The following DDX46 variants were observed in gnomAD, a reference collection of about 807,000 sequenced individuals.
DDX46 encodes probable ATP-dependent RNA helicase DDX46.
A neutral mutation model predicts 134.9 loss-of-function variants in DDX46; 30 were observed. The observed-to-expected ratio is 0.22, with a 90% confidence interval of 0.17 to 0.30. The LOEUF (loss-of-function observed/expected upper bound fraction) is 0.30, where lower values mean the gene tolerates loss of function less well. Ranked by LOEUF, DDX46 falls within the 10% of genes least tolerant of loss-of-function variation. The probability of loss-of-function intolerance (pLI) is 1.00; values close to 1 mark genes in which losing one functional copy is unlikely to be tolerated. For missense variants in DDX46, 622 were observed against 1,248.7 expected, an observed-to-expected ratio of 0.50 and a Z score of 7.56; for synonymous variants, 415 against 404.1, an observed-to-expected ratio of 1.03 and a Z score of -0.32.
At chr5:134,792,949 G>A (rs899434125) in intron 13 of DDX46, among the ~76,000 whole-genome samples, 12 of 152,094 alleles carry the variant, frequency 7.9e-5, no homozygotes, top group Admixed American at 3.3e-4. Flanking sequence ...GAATTCAGGA[G>A]TTCAAGACAA....
At chr5:134,770,142 C>T (rs1753715130) in intron 3 of DDX46, among the ~76,000 whole-genome samples, 1 of 151,760 alleles carries the variant, frequency 6.6e-6, no homozygotes, top group African/African-American at 2.4e-5. Flanking sequence ...AGTGATCTTC[C>T]TGCCTTGGCC....
intron 15 of DDX46, among the ~76,000 whole-genome samples, chr5:134,800,473 T>C (rs1166618184): frequency 6.6e-6 from 1 of 152,220 alleles, no homozygotes; most frequent in Non-Finnish European, 1.5e-5. Context: ...TAGTCATTTC[T>C]GTTGGACACT....
intron 7 of DDX46, 47 bp from the exon 8 acceptor site, chr5:134,781,873 GA>G (rs1247176045): frequency 3.0e-5 from 46 of 1,551,688 alleles, no homozygotes; most frequent in Non-Finnish European, 3.9e-5. Context: ...CCCACAAGGG[GA>G]AAATAGTAAT....
chr5:134,800,745 G>T (rs561875245), intron 15 of DDX46, among the ~76,000 whole-genome samples: 1 of 152,154 alleles, frequency 6.6e-6, no homozygotes, highest in East Asian at 1.9e-4. Flanking sequence ...ATGCCATCTC[G>T]GCTCACTGCA....
intron 15 of DDX46, among the ~76,000 whole-genome samples, chr5:134,796,896 A>G (rs887189471): frequency 6.6e-6 from 1 of 151,000 alleles, no homozygotes; most frequent in Non-Finnish European, 1.5e-5. Context: ...TCACACCTGT[A>G]ATCCCAGAAC....
intron 5 of DDX46, among the ~76,000 whole-genome samples, chr5:134,775,066 C>T (rs1425254347): frequency 3.3e-5 from 5 of 152,082 alleles, no homozygotes; most frequent in Non-Finnish European, 7.4e-5. Flanking sequence ...GTGATCCTCC[C>T]ACTTTGGCCT....
At chr5:134,819,091 T>G in intron 21 of DDX46, 87 bp downstream of exon 21, 2 of 1,405,844 alleles carry the variant, frequency 1.4e-6, no homozygotes, top group Non-Finnish European at 1.9e-6. Context: ...TGAGGTCAAT[T>G]CTAGAGAGAA....
chr5:134,771,014 T>C lies in DDX46; in HGVS notation c.447+15T>C. On this transcript the variant is annotated intron_variant, in intron 4 of 22. Transcript: ENST00000452510. ...AAGATGCTGGCGTATGTTTATTAAC[T>C]TAAAAATAATTTTCTTTCTTTCTTT... is the stretch of plus-strand genomic sequence containing the variant. 9.9e-7 allele frequency: 1 copy of C among 1,008,364 alleles called. No individual in the cohort carries two copies. The highest frequency in any genetic ancestry group is 1.5e-6 in the Non-Finnish European group (1 of 666,572). The allele number at this position is 1,008,364 out of a possible 1,614,324, so 62.5% of individuals were successfully genotyped here. A position where few individuals can be genotyped will look rare whatever the true frequency, so the allele number is the denominator to read the frequency against.
At chr5:134,820,747 A>C (rs1322354056) in intron 21 of DDX46, among the ~76,000 whole-genome samples, 1 of 152,234 alleles carries the variant, frequency 6.6e-6, no homozygotes, top group Non-Finnish European at 1.5e-5. Flanking sequence ...CGTGAAACTT[A>C]AACAGGATTC....
intron 1 of DDX46, among the ~76,000 whole-genome samples, chr5:134,763,459 A>T (rs999088221): frequency 1.2e-4 from 19 of 152,308 alleles, no homozygotes; most frequent in African/African-American, 4.6e-4. Flanking sequence ...CTCACCAGTC[A>T]AGCTTCCTCT....
chr5:134,819,985 G>A (rs1455781074), intron 21 of DDX46, among the ~76,000 whole-genome samples: 2 of 151,956 alleles, frequency 1.3e-5, no homozygotes, highest in Admixed American at 6.6e-5. Context: ...GCAATAGCGC[G>A]ATCTTGACTC....
intron 15 of DDX46, chr5:134,797,188 A>AAAAAAAAAAAAAAAAAC (rs1561865691): frequency 2.8e-5 from 8 of 287,060 alleles, no homozygotes; most frequent in African/African-American, 1.7e-4. Flanking sequence ...AAAAAAAAAA[A>AAAAAAAAAAAAAAAAAC]AAAAAAAAAC....
At chr5:134,791,357 G>A (rs1472779321) in intron 13 of DDX46, among the ~76,000 whole-genome samples, 1 of 152,110 alleles carries the variant, frequency 6.6e-6, no homozygotes, top group Non-Finnish European at 1.5e-5. Flanking sequence ...TCAGGAGATC[G>A]AGACCATCCT....
At chr5:134,807,164 A>C (rs984829666) in intron 15 of DDX46, among the ~76,000 whole-genome samples, 1 of 140,312 alleles carries the variant, frequency 7.1e-6, no homozygotes, top group African/African-American at 2.7e-5. Context: ...GGCATGTGCC[A>C]CCACGCCTGG....
intron 15 of DDX46, among the ~76,000 whole-genome samples, chr5:134,804,168 C>CA (rs1461497017): frequency 3.3e-5 from 5 of 151,866 alleles, no homozygotes; most frequent in Admixed American, 2.0e-4. Context: ...TTTGGCCTCC[C>CA]AAAGCGCTGG....
At chr5:134,789,467 T>C (rs1243604504) in intron 12 of DDX46, among the ~76,000 whole-genome samples, 2 of 152,224 alleles carry the variant, frequency 1.3e-5, no homozygotes, top group Non-Finnish European at 2.9e-5. Flanking sequence ...CTAGTAGTAT[T>C]CTGCTTGAAT....
intron 15 of DDX46, among the ~76,000 whole-genome samples, chr5:134,803,287 C>T (rs1243793655): frequency 6.6e-6 from 1 of 152,130 alleles, no homozygotes; most frequent in East Asian, 1.9e-4. Flanking sequence ...AGCCACCGAG[C>T]CTAGCCCTGA....
chr5:134,794,498 A>G (rs968331584), intron 13 of DDX46, among the ~76,000 whole-genome samples: 2 of 152,192 alleles, frequency 1.3e-5, no homozygotes, highest in African/African-American at 4.8e-5. Context: ...TTTGTTGCAT[A>G]TTCCTAGTAC....
At chr5:134,819,651 C>T (rs1479013506) in intron 21 of DDX46, among the ~76,000 whole-genome samples, 5 of 151,944 alleles carry the variant, frequency 3.3e-5, no homozygotes, top group Non-Finnish European at 1.5e-5. Flanking sequence ...CACCTCAACA[C>T]CCCCAAGTAG....
Sources: gnomAD v4.1 joint callset for allele counts (sites outside exome capture counted in the v4.1 genomes callset) on GRCh38, gnomAD v4.1.1 for gene constraint, MANE v1.5 for transcripts, NCBI Gene and HGNC (gene_info 2026-07-23, HGNC 2026-07-21) for gene names.